The following ARHGAP10 variants were observed in gnomAD, a reference collection of about 807,000 sequenced individuals.
The protein encoded by ARHGAP10 is Rho GTPase activating protein 10.
A neutral mutation model predicts 108.6 loss-of-function variants in ARHGAP10; 87 were observed. That is an observed-to-expected ratio of 0.80 (90% CI 0.67 to 0.96). The LOEUF (loss-of-function observed/expected upper bound fraction) is 0.96. Among genes scored for constraint, ARHGAP10 ranks in the 40% least tolerant of loss-of-function variants. ARHGAP10 has a pLI of 0.00. For synonymous variants in ARHGAP10, 347 were observed against 341.1 expected (o/e 1.02, Z -0.19); for missense variants, 939 against 954.5 (o/e 0.98, Z 0.21).
At chr4:147,803,946 A>G (rs375860595) in intron 1 of ARHGAP10, among the ~76,000 whole-genome samples, 67 of 151,860 alleles carry the variant, frequency 4.4e-4, no homozygotes, top group East Asian at 3.3e-3. Context: ...TGCCTTGGAT[A>G]AATATTCGAT....
At chr4:147,909,591 G>T in intron 11 of ARHGAP10, 141 bp from the exon 12 acceptor site, 1 of 692,098 alleles carries the variant, frequency 1.4e-6, no homozygotes. Context: ...TGGGGATGCA[G>T]ACCAATTTCT....
intron 3 of ARHGAP10, among the ~76,000 whole-genome samples, chr4:147,844,671 A>G (rs1161994607): frequency 6.6e-6 from 1 of 152,096 alleles, no homozygotes. Flanking sequence ...GGAAATCTTC[A>G]CCTTTTCCAT....
intron 3 of ARHGAP10, among the ~76,000 whole-genome samples, chr4:147,833,324 T>G (rs2126800093): frequency 6.6e-6 from 1 of 152,286 alleles, no homozygotes; most frequent in Middle Eastern, 3.4e-3. Flanking sequence ...GAGCTGATGG[T>G]TTAAAAGTGG....
intron 1 of ARHGAP10, among the ~76,000 whole-genome samples, chr4:147,735,720 G>A (rs1728389174): frequency 6.6e-6 from 1 of 151,946 alleles, no homozygotes; most frequent in African/African-American, 2.4e-5. Flanking sequence ...TAGGGGTGGG[G>A]AGGAACTCCA....
intron 10 of ARHGAP10, among the ~76,000 whole-genome samples, chr4:147,904,271 G>C (rs1736365256): frequency 6.6e-6 from 1 of 151,854 alleles, no homozygotes; most frequent in African/African-American, 2.4e-5. Flanking sequence ...TAGGGTACAT[G>C]TGCACAATGT....
chr4:147,898,137 G>A (rs1314574065), intron 10 of ARHGAP10, among the ~76,000 whole-genome samples: 3 of 152,092 alleles, frequency 2.0e-5, no homozygotes, highest in East Asian at 1.9e-4. Context: ...CTGCAAAACT[G>A]GGTTTTTATC....
At chr4:147,867,899 T>C (rs993419545) in intron 7 of ARHGAP10, among the ~76,000 whole-genome samples, 5 of 130,844 alleles carry the variant, frequency 3.8e-5, no homozygotes, top group South Asian at 5.4e-4. Context: ...TGAGAGTGAA[T>C]ACCTTTTGTG....
intron 1 of ARHGAP10, among the ~76,000 whole-genome samples, chr4:147,755,006 C>G (rs540675790): frequency 6.0e-5 from 9 of 151,232 alleles, no homozygotes; most frequent in Non-Finnish European, 1.3e-4. Context: ...TGCTTGAACC[C>G]AGGAAATGGA....
chr4:147,928,119 A>G (rs1045595471), intron 13 of ARHGAP10, among the ~76,000 whole-genome samples: 15 of 152,234 alleles, frequency 9.9e-5, no homozygotes, highest in African/African-American at 3.6e-4. Flanking sequence ...CAGAGGTTAC[A>G]GCTAGTAAAC....
chr4:147,836,140 C>A (rs553814886), intron 3 of ARHGAP10, among the ~76,000 whole-genome samples: 1 of 152,264 alleles, frequency 6.6e-6, no homozygotes, highest in Non-Finnish European at 1.5e-5. Flanking sequence ...TGGATGCTAG[C>A]TTTTCTTTTG....
chr4:147,923,981 C>T (rs568414189), intron 13 of ARHGAP10, among the ~76,000 whole-genome samples: 1 of 152,162 alleles, frequency 6.6e-6, no homozygotes, highest in South Asian at 2.1e-4. Flanking sequence ...TAGAGTTTCT[C>T]TCTGTCTCTG....
chr4:147,800,627 G>C (rs1236718790), intron 1 of ARHGAP10, among the ~76,000 whole-genome samples: 1 of 152,166 alleles, frequency 6.6e-6, no homozygotes, highest in Non-Finnish European at 1.5e-5. Flanking sequence ...GGGGATGCAA[G>C]ATACTGTTTC....
At chr4:147,843,750 C>T (rs538546357) in intron 3 of ARHGAP10, among the ~76,000 whole-genome samples, 5 of 152,304 alleles carry the variant, frequency 3.3e-5, no homozygotes, top group Admixed American at 3.3e-4. Flanking sequence ...CTCCTGACCT[C>T]AGGTGATCCA....
chr4:147,789,784 A>C (rs1731044915), intron 1 of ARHGAP10, among the ~76,000 whole-genome samples: 1 of 152,256 alleles, frequency 6.6e-6, no homozygotes. Flanking sequence ...GTCTTTACCA[A>C]ATAAGCAAAG....
chr4:147,804,589 G>C (rs1731708490), intron 1 of ARHGAP10, among the ~76,000 whole-genome samples: 1 of 152,158 alleles, frequency 6.6e-6, no homozygotes, highest in Non-Finnish European at 1.5e-5. Flanking sequence ...GGTTGAACTA[G>C]TTTATATTTC....
At chr4:147,911,466 C>T (rs927862150) in intron 12 of ARHGAP10, among the ~76,000 whole-genome samples, 19 of 152,268 alleles carry the variant, frequency 1.2e-4, no homozygotes, top group Admixed American at 9.2e-4. Context: ...GGGTTCACTC[C>T]GTTTTCCTGT....
At chr4:147,937,937 C>T (rs955526034) in intron 13 of ARHGAP10, among the ~76,000 whole-genome samples, 4 of 152,162 alleles carry the variant, frequency 2.6e-5, no homozygotes, top group African/African-American at 9.7e-5. Context: ...CGAGATTGCT[C>T]CATTGTACTC....
At chr4:147,918,828 A>G (rs1737103227) in intron 13 of ARHGAP10, among the ~76,000 whole-genome samples, 1 of 152,256 alleles carries the variant, frequency 6.6e-6, no homozygotes, top group South Asian at 2.1e-4. Context: ...CTCCTAGAGC[A>G]GAGGACCAAG....
chr4:148,002,199 A>T (rs1357336473), intron 18 of ARHGAP10, among the ~76,000 whole-genome samples: 1 of 152,184 alleles, frequency 6.6e-6, no homozygotes, highest in Admixed American at 6.5e-5. Context: ...GGTTCTGTTT[A>T]TATGATGGAT....
Sources: allele counts gnomAD v4.1 joint callset (sites outside exome capture counted in the v4.1 genomes callset), GRCh38; gene constraint gnomAD v4.1.1; transcripts MANE v1.5; gene names NCBI Gene and HGNC (gene_info 2026-07-23, HGNC 2026-07-21).